The following PARD3B variants were observed in gnomAD, a reference collection of about 807,000 sequenced individuals.
The protein encoded by PARD3B is par-3 family cell polarity regulator beta, also known as partitioning defective 3 homolog B.
In PARD3B, 103 loss-of-function variants were observed where a neutral mutation model predicts 130.2. The observed-to-expected ratio is 0.79, with a 90% CI of 0.67 to 0.93. PARD3B has a LOEUF of 0.93. Ranked by LOEUF, PARD3B falls within the 40% of genes least tolerant of loss-of-function variation. The probability of loss-of-function intolerance (pLI) is 0.00; values close to 1 mark genes in which losing one functional copy is unlikely to be tolerated. For missense variants in PARD3B, 1,609 were observed against 1,499.2 expected (o/e 1.07, Z -1.21); for synonymous variants, 583 against 553.2 (o/e 1.05, Z -0.76).
chr2:205,119,177 A>G (rs2030323588), intron 7 of PARD3B, 131 bp downstream of exon 7: 1 of 1,221,518 alleles, frequency 8.2e-7, no homozygotes, highest in Non-Finnish European at 1.1e-6. Flanking sequence ...CAGGATATCC[A>G]TTTTCGAATG....
In PARD3B at chr2:205,280,774, G is replaced by A. The variant is rs2041157135; in HGVS notation, c.2186-19756G>A. ...ATACTTGTCTTGGGTAGAATTTGTT[G>A]AGGCCTAAAGAAGTAAGCTCTTGAT... is the stretch of plus-strand genomic sequence containing the variant. On this transcript the variant is annotated intron_variant, in intron 16 of 22. Coordinates refer to ENST00000406610, the MANE Select transcript of PARD3B (RefSeq NM_001302769.2). The surrounding 1 kb of genome is among the most constrained non-coding windows in gnomAD (Gnocchi z 4.7). Among the ~76,000 whole-genome samples, 1 of 152,146 alleles carries A rather than the reference G, an allele frequency of 6.6e-6. No homozygotes were observed. Among genetic ancestry groups the A allele is most frequent in the Admixed American group, 6.5e-5 (1 of 15,280 alleles).
intron 3 of PARD3B, among the ~76,000 whole-genome samples, chr2:204,985,745 G>A (rs1246258938): frequency 1.3e-5 from 2 of 152,142 alleles, no homozygotes; most frequent in African/African-American, 4.8e-5. Context: ...AAGATCTGGT[G>A]AGGGTTGGGG....
intron 4 of PARD3B, among the ~76,000 whole-genome samples, chr2:205,083,602 C>CT (rs1423434917): frequency 1.9e-4 from 28 of 144,640 alleles, no homozygotes; most frequent in East Asian, 8.1e-4. Flanking sequence ...TTTGATTCTT[C>CT]TTTTTTTTTT....
intron 1 of PARD3B, among the ~76,000 whole-genome samples, chr2:204,656,341 A>G (rs1417742069): frequency 6.7e-6 from 1 of 149,946 alleles, no homozygotes; most frequent in East Asian, 1.9e-4. Context: ...ATACAGATAT[A>G]TGGAAGGTTT....
At chr2:205,254,055 C>T (rs1388088623) in intron 16 of PARD3B, among the ~76,000 whole-genome samples, 3 of 120,328 alleles carry the variant, frequency 2.5e-5, no homozygotes, top group Admixed American at 1.1e-4. Flanking sequence ...CGTTGGAAGA[C>T]ACACAGAGTG....
intron 1 of PARD3B, among the ~76,000 whole-genome samples, chr2:204,637,970 G>C (rs2034945104): frequency 6.6e-6 from 1 of 152,048 alleles, no homozygotes; most frequent in Non-Finnish European, 1.5e-5. Flanking sequence ...TTCTGAGATG[G>C]ATTTTCTACT....
chr2:205,352,794 G>A lies in PARD3B; in HGVS notation c.2631-48219G>A, dbSNP rs1355653275. ...ATTTTCAGCCCCTGACTTGTTCCTG[G>A]GGCTGCTGATTCATCTGTTTTCATT... On this transcript the variant is annotated intron_variant, in intron 18 of 22. Coordinates refer to ENST00000406610, the MANE Select transcript of PARD3B (RefSeq NM_001302769.2). The surrounding 1 kb of genome is among the most constrained non-coding windows in gnomAD (Gnocchi z 5.2). Among the ~76,000 whole-genome samples the A allele has an allele frequency of 6.6e-6, 1 of 152,008 alleles. No homozygotes were observed. Among genetic ancestry groups the A allele is most frequent in the African/African-American group, 2.4e-5 (1 of 41,388 alleles).
At chr2:205,375,977 C>T (rs1574845141) in intron 18 of PARD3B, among the ~76,000 whole-genome samples, 4 of 152,128 alleles carry the variant, frequency 2.6e-5, no homozygotes, top group Admixed American at 2.6e-4. Context: ...GAATAGGATC[C>T]AAAAATGGAC....
chr2:205,560,682 C>G (rs2053099246), intron 22 of PARD3B, among the ~76,000 whole-genome samples: 1 of 152,156 alleles, frequency 6.6e-6, no homozygotes, highest in Admixed American at 6.5e-5. Flanking sequence ...ACGTTCGCCT[C>G]CAGTCCTTGA....
At chr2:205,533,894 A>AAT (rs1327325297) in intron 21 of PARD3B, among the ~76,000 whole-genome samples, 2 of 152,088 alleles carry the variant, frequency 1.3e-5, no homozygotes, top group Admixed American at 1.3e-4. Context: ...CATGGGGCTA[A>AAT]TCGTTCAGTG....
At chr2:204,707,472 G>A (rs1218566855) in intron 2 of PARD3B, among the ~76,000 whole-genome samples, 1 of 151,662 alleles carries the variant, frequency 6.6e-6, no homozygotes, top group East Asian at 1.9e-4. Context: ...AACTTTTCTT[G>A]GTATTTTATA....
intron 2 of PARD3B, among the ~76,000 whole-genome samples, chr2:204,874,846 G>T (rs571296334): frequency 6.6e-6 from 1 of 152,256 alleles, no homozygotes; most frequent in South Asian, 2.1e-4. Flanking sequence ...TATTTTGTGG[G>T]ACTTGGGTTC....
intron 1 of PARD3B, among the ~76,000 whole-genome samples, chr2:204,670,102 T>C (rs1357742515): frequency 1.3e-5 from 2 of 152,166 alleles, no homozygotes; most frequent in Admixed American, 1.3e-4. Context: ...AAGAGTTGCC[T>C]CTGGAGAATA....
At chr2:205,193,841 G>A (rs2036528721) in intron 15 of PARD3B, among the ~76,000 whole-genome samples, 1 of 152,194 alleles carries the variant, frequency 6.6e-6, no homozygotes, top group Non-Finnish European at 1.5e-5. Context: ...CTGTGACACT[G>A]GAGGGGAAAA....
At chr2:205,090,413 A>G (rs145262873) in intron 4 of PARD3B, among the ~76,000 whole-genome samples, 25 of 152,324 alleles carry the variant, frequency 1.6e-4, no homozygotes, top group African/African-American at 5.5e-4. Context: ...ATTCCTTGTT[A>G]TTATTCTCAT....
intron 21 of PARD3B, among the ~76,000 whole-genome samples, chr2:205,531,187 A>G (rs1275810372): frequency 1.3e-5 from 2 of 152,160 alleles, no homozygotes; most frequent in Non-Finnish European, 2.9e-5. Context: ...TTCCACTTAA[A>G]TCAAGAGGGG....
chr2:204,901,470 G>T (rs2046855484), intron 2 of PARD3B, among the ~76,000 whole-genome samples: 1 of 151,790 alleles, frequency 6.6e-6, no homozygotes, highest in Admixed American at 6.6e-5. Context: ...TACCAGGCCT[G>T]GGACTCTCCC....
At chr2:205,135,422 G>A (rs1490210603) in intron 10 of PARD3B, among the ~76,000 whole-genome samples, 1 of 152,158 alleles carries the variant, frequency 6.6e-6, no homozygotes, top group Non-Finnish European at 1.5e-5. Flanking sequence ...TTTTCCAGCT[G>A]TTATCAAAGT....
At chr2:205,019,041 A>G (rs1356268041) in intron 3 of PARD3B, among the ~76,000 whole-genome samples, 1 of 152,180 alleles carries the variant, frequency 6.6e-6, no homozygotes, top group African/African-American at 2.4e-5. Context: ...GGTTTTTAGC[A>G]TATGTACATA....
Sources: allele counts gnomAD v4.1 joint callset (sites outside exome capture counted in the v4.1 genomes callset), GRCh38; gene constraint gnomAD v4.1.1; non-coding constraint Gnocchi (gnomAD v3.1); transcripts MANE v1.5; gene names NCBI Gene and HGNC (gene_info 2026-07-23, HGNC 2026-07-21).